Variants in PDE4B observed in about 807,000 individuals in gnomAD.
PDE4B encodes 3',5'-cyclic-AMP phosphodiesterase 4B.
A neutral mutation model predicts 82.2 loss-of-function variants in PDE4B; 20 were observed. The ratio of observed to expected loss-of-function variants is 0.24; its 90% CI spans 0.17 to 0.35. PDE4B has a LOEUF of 0.35. Ranked by LOEUF, PDE4B falls within the 10% of genes least tolerant of loss-of-function variation. The pLI is 1.00. For missense variants in PDE4B, 655 were observed against 907.2 expected, an observed-to-expected ratio of 0.72 and a Z score of 3.57; for synonymous variants, 320 against 318.9, an observed-to-expected ratio of 1.00 and a Z score of -0.04.
At chr1:66,091,140 A>T (rs1645015003) in intron 3 of PDE4B, among the ~76,000 whole-genome samples, 1 of 152,010 alleles carries the variant, frequency 6.6e-6, no homozygotes, top group African/African-American at 2.4e-5. Flanking sequence ...AGGTGAAAAG[A>T]TTTAACTGCC....
At chr1:65,903,419 G>GCACA (rs10580572) in intron 1 of PDE4B, among the ~76,000 whole-genome samples, 104 of 148,582 alleles carry the variant, frequency 7.0e-4, no homozygotes, top group Non-Finnish European at 9.5e-4. Context: ...ACACACACAT[G>GCACA]CACACACACA....
intron 3 of PDE4B, among the ~76,000 whole-genome samples, chr1:66,198,832 T>C (rs1451203006): frequency 2.6e-5 from 4 of 151,086 alleles, no homozygotes; most frequent in Admixed American, 6.6e-5. Context: ...CGTTGTTCAA[T>C]TCCCACCTAT....
At chr1:65,855,434 C>T (rs1008655177) in intron 1 of PDE4B, among the ~76,000 whole-genome samples, 1 of 152,032 alleles carries the variant, frequency 6.6e-6, no homozygotes, top group African/African-American at 2.4e-5. Context: ...TCTCGAGTAG[C>T]CCTTTTTCTA....
In PDE4B at chr1:65,992,754, C is replaced by T. The variant is rs1651313741; in HGVS notation, c.281+73919C>T. On this transcript the variant is annotated intron_variant, in intron 3 of 16. Transcript: ENST00000341517. Reference sequence around the variant, plus strand: ...CTTGCTATTCTTCGAGTATGCTGCTCTTGCTCTAAGACGCTCATACATTGG... The same window carrying T: ...CTTGCTATTCTTCGAGTATGCTGCTTTTGCTCTAAGACGCTCATACATTGG... The T allele has an allele frequency of 3.6e-6, 5 of 1,385,020 alleles. No homozygotes were observed. The South Asian group carries it at 5.2e-5, about 15-fold the overall frequency. The allele number at this position is 1,385,020 out of a possible 1,614,324, so 85.8% of individuals were successfully genotyped here. A position where few individuals can be genotyped will look rare whatever the true frequency, so the allele number is the denominator to read the frequency against.
intron 3 of PDE4B, among the ~76,000 whole-genome samples, chr1:65,958,629 C>T (rs947802194): frequency 2.0e-5 from 3 of 151,964 alleles, no homozygotes; most frequent in Non-Finnish European, 4.4e-5. Context: ...CGTTTTTAAC[C>T]TATTTAAAGC....
intron 3 of PDE4B, among the ~76,000 whole-genome samples, chr1:66,175,002 C>G (rs1646906997): frequency 6.6e-6 from 1 of 152,060 alleles, no homozygotes. Context: ...TGAGCTGTCC[C>G]TCACTATCAC....
chr1:65,841,280 G>T (rs1480166225), intron 1 of PDE4B, among the ~76,000 whole-genome samples: 2 of 151,816 alleles, frequency 1.3e-5, no homozygotes, highest in Non-Finnish European at 2.9e-5. Context: ...TCCAGCCTGG[G>T]TGATAGAGCG....
intron 3 of PDE4B, among the ~76,000 whole-genome samples, chr1:66,063,397 C>A (rs1655683474): frequency 6.6e-6 from 1 of 151,948 alleles, no homozygotes; most frequent in Admixed American, 6.6e-5. Context: ...GGGTGCTGGG[C>A]TCTGGTATTT....
At chr1:65,924,991 G>C in intron 3 of PDE4B, among the ~76,000 whole-genome samples, 1 of 152,148 alleles carries the variant, frequency 6.6e-6, no homozygotes, top group East Asian at 1.9e-4. Flanking sequence ...CACAGGGGAG[G>C]GGATTCTGCA....
At chr1:66,274,413 T>A (rs950222285) in intron 7 of PDE4B, among the ~76,000 whole-genome samples, 1 of 151,976 alleles carries the variant, frequency 6.6e-6, no homozygotes, top group African/African-American at 2.4e-5. Context: ...TCTCAGGTGA[T>A]CCACCCTCCT....
intron 3 of PDE4B, among the ~76,000 whole-genome samples, chr1:65,933,244 A>T (rs142434124): frequency 9.2e-5 from 14 of 152,284 alleles, no homozygotes; most frequent in Admixed American, 8.5e-4. Flanking sequence ...TTTCCCATAA[A>T]ACTAAAAGTG....
At chr1:66,057,136 G>C (rs1655345264) in intron 3 of PDE4B, among the ~76,000 whole-genome samples, 2 of 152,140 alleles carry the variant, frequency 1.3e-5, no homozygotes, top group Admixed American at 6.5e-5. Flanking sequence ...GGAGTCCCCA[G>C]TTTGGTGCAC....
rs576071224 is a variant in PDE4B, at chr1:66,199,193, G to T, written c.282-48267G>T. Reference sequence around the variant, plus strand: ...TCCCTGAGGAATCGCCACACTGACTGCCACAATGGTTGAACTAGTTTACAG... The same window carrying T: ...TCCCTGAGGAATCGCCACACTGACTTCCACAATGGTTGAACTAGTTTACAG... On this transcript the variant is annotated intron_variant, in intron 3 of 16. Coordinates refer to ENST00000341517, the MANE Select transcript of PDE4B (RefSeq NM_002600.4). 4.7e-4 allele frequency among the ~76,000 whole-genome samples: 71 copies of T among 151,760 alleles called. No individual in the cohort carries two copies. The South Asian group carries it at 5.5e-3, about 12-fold the overall frequency.
At chr1:65,960,163 C>CG (rs1464536053) in intron 3 of PDE4B, among the ~76,000 whole-genome samples, 1 of 152,096 alleles carries the variant, frequency 6.6e-6, no homozygotes, top group Non-Finnish European at 1.5e-5. Flanking sequence ...AGGGGAACTG[C>CG]GGGGGAGATT....
intron 1 of PDE4B, among the ~76,000 whole-genome samples, chr1:65,881,837 G>C (rs1003123564): frequency 6.6e-6 from 1 of 152,080 alleles, no homozygotes; most frequent in East Asian, 1.9e-4. Context: ...TGTTAAAGTT[G>C]GTATGGCACA....
rs1001056556 is a variant in PDE4B at position 65,984,949 on chromosome 1, A to C, written c.281+66114A>C. ...AATTTAATTTTAAATTTAAATTTAA[A>C]TTCTAGGACTTTATAGCAAGTCTTG... is the stretch of plus-strand genomic sequence containing the variant. On this transcript the variant is annotated intron_variant, in intron 3 of 16. Coordinates refer to ENST00000341517, the MANE Select transcript of PDE4B (RefSeq NM_002600.4). Among the ~76,000 whole-genome samples, 5 of 152,110 alleles carry C rather than the reference A, an allele frequency of 3.3e-5. No homozygotes were observed. In the South Asian group the frequency reaches 6.2e-4, roughly 19 times the overall value.
chr1:65,891,518 T>G (rs1463796786), intron 1 of PDE4B, among the ~76,000 whole-genome samples: 1 of 152,036 alleles, frequency 6.6e-6, no homozygotes, highest in Non-Finnish European at 1.5e-5. Context: ...TGGATGTCTG[T>G]CCCAGTAAAG....
chr1:66,045,379 T>C (rs1570076121), intron 3 of PDE4B, among the ~76,000 whole-genome samples: 1 of 151,906 alleles, frequency 6.6e-6, no homozygotes, highest in East Asian at 1.9e-4. Context: ...CCTGAGCTAA[T>C]GCTGATTCCC....
At position 65,865,613 on chromosome 1, in the gene PDE4B, C is replaced by T. The variant is rs546227953; in HGVS notation, c.-70-47632C>T. ...GTGGGCCCAATAGCACAGTCCCTCA[C>T]GGCTTCCTTTGGCTGAGGTAGGGAG... On this transcript the variant is annotated intron_variant, in intron 1 of 16. Transcript: ENST00000341517. Among the ~76,000 whole-genome samples, 518 of 152,248 alleles carry T rather than the reference C, an allele frequency of 3.4e-3. 3 individuals carry two copies. Among genetic ancestry groups the T allele is most frequent in the African/African-American group, 0.012 (480 of 41,544 alleles).
Sources: gnomAD v4.1 joint callset for allele counts (sites outside exome capture counted in the v4.1 genomes callset) on GRCh38, gnomAD v4.1.1 for gene constraint, MANE v1.5 for transcripts, NCBI Gene and HGNC (gene_info 2026-07-23, HGNC 2026-07-21) for gene names.